Variants in DLC1 observed in about 807,000 individuals in gnomAD.
DLC1 encodes the protein DLC1 Rho GTPase activating protein.
A neutral mutation model predicts 140.3 loss-of-function variants in DLC1; 54 were observed. The ratio of observed to expected loss-of-function variants is 0.38; its 90% CI spans 0.31 to 0.48. The LOEUF is 0.48. Ranked by LOEUF, DLC1 falls within the 20% of genes least tolerant of loss-of-function variation. The pLI is 0.96. For synonymous variants in DLC1, 986 were observed against 728.1 expected (o/e 1.35, Z -5.70); for missense variants, 2,536 against 1,907.0 (o/e 1.33, Z -6.14).
At chr8:13,539,827 T>C (rs1322577737) in intron 1 of DLC1, among the ~76,000 whole-genome samples, 2 of 152,004 alleles carry the variant, frequency 1.3e-5, no homozygotes, top group African/African-American at 4.8e-5. Flanking sequence ...AGTCAATTAT[T>C]TCTAAATATT....
intron 5 of DLC1, among the ~76,000 whole-genome samples, chr8:13,226,687 G>A (rs933231280): frequency 2.6e-5 from 4 of 152,156 alleles, no homozygotes; most frequent in African/African-American, 9.7e-5. Context: ...CTATTGTCAG[G>A]AAGTGTGACC....
chr8:13,158,303 TAAAC>T (rs200492480), intron 5 of DLC1, among the ~76,000 whole-genome samples: 2,585 of 152,314 alleles, frequency 0.017, 75 homozygotes, highest in African/African-American at 0.056. Context: ...TTCTACATAA[TAAAC>T]AAAAGAAACA....
In DLC1 at chr8:13,088,506, G is replaced by A; in HGVS notation, c.4273C>T (p.Arg1425Ter). 6.2e-7 allele frequency: 1 copy of A among 1,614,152 alleles called. No individual in the cohort carries two copies. The highest frequency in any genetic ancestry group is 8.5e-7 in the Non-Finnish European group (1 of 1,180,028). Residue 1425 changes from arginine (R) to a stop codon, truncating the protein, a stop_gained, in exon 16 of 18, where the codon CGA (arginine) becomes TGA (stop). Transcript: ENST00000276297. LOFTEE classifies it high-confidence loss of function. ...GCTCACCTTAAAACAACGTAGTCTC[G>A]AGCAGGATGAGGTGCCATACTGTTT... is the stretch of plus-strand genomic sequence containing the variant. ...VQNSMAPHPA[R>*]DYVVLRTWRT...
chr8:13,284,364 T>C (rs954144596), intron 5 of DLC1, among the ~76,000 whole-genome samples: 1 of 151,956 alleles, frequency 6.6e-6, no homozygotes, highest in Non-Finnish European at 1.5e-5. Flanking sequence ...CCGTCTCTAC[T>C]AAAAATAGAA....
At chr8:13,157,429 T>C (rs1277742632) in intron 5 of DLC1, among the ~76,000 whole-genome samples, 1 of 152,046 alleles carries the variant, frequency 6.6e-6, no homozygotes, top group Non-Finnish European at 1.5e-5. Context: ...AATGCATAGC[T>C]TCAGAGGGGA....
chr8:13,602,439 T>A (rs1805919432), intron 1 of DLC1, among the ~76,000 whole-genome samples: 1 of 151,810 alleles, frequency 6.6e-6, no homozygotes. Flanking sequence ...TTCCAGTAAT[T>A]TAAAGAAGAG....
intron 2 of DLC1, among the ~76,000 whole-genome samples, chr8:13,464,512 G>C (rs1456556232): frequency 6.6e-6 from 1 of 151,766 alleles, no homozygotes; most frequent in African/African-American, 2.4e-5. Flanking sequence ...TAATACATCA[G>C]TTGATACACG....
At chr8:13,090,158 C>T in intron 15 of DLC1, 94 bp downstream of exon 15, 1 of 1,234,338 alleles carries the variant, frequency 8.1e-7, no homozygotes, top group South Asian at 1.4e-5. Flanking sequence ...GCTACAGATC[C>T]CCAGACAGAT....
intron 5 of DLC1, among the ~76,000 whole-genome samples, chr8:13,280,287 C>CAAAAAAAAAAAAAAAAA (rs55791933): frequency 1.2e-4 from 8 of 65,352 alleles, no homozygotes; most frequent in Non-Finnish European, 1.6e-4. Flanking sequence ...GACTCCATCT[C>CAAAAAAAAAAAAAAAAA]AAAAAAAAAA....
chr8:13,577,450 C>T (rs919389313), intron 1 of DLC1, among the ~76,000 whole-genome samples: 6 of 152,072 alleles, frequency 3.9e-5, no homozygotes, highest in Non-Finnish European at 8.8e-5. Context: ...AGGCAGTTCT[C>T]TTTTATGTTC....
intron 1 of DLC1, among the ~76,000 whole-genome samples, chr8:13,537,279 T>C (rs1292315451): frequency 6.6e-6 from 1 of 152,212 alleles, no homozygotes; most frequent in Non-Finnish European, 1.5e-5. Context: ...TGTGTTCAGG[T>C]TCTGCCATTC....
At chr8:13,338,683 G>A (rs1214909510) in intron 4 of DLC1, 4 of 152,122 alleles carry the variant, frequency 2.6e-5, no homozygotes, top group Non-Finnish European at 4.4e-5. Flanking sequence ...TGTACGTGAA[G>A]ATAAGCCAGA....
rs569454703 is a variant in DLC1, at chr8:13,450,191, T to G, written c.1024-48572A>C. On this transcript the variant is annotated intron_variant, in intron 2 of 17. Transcript: ENST00000276297. ...CAAGGAGAGGCCAGGCATGGTGGCC[T>G]GGGTGGTAATCACAGCACTTTGGGG... Among the ~76,000 whole-genome samples, 8 of 151,794 alleles carry G rather than the reference T, an allele frequency of 5.3e-5. No individual in the cohort carries two copies. In the South Asian group the frequency reaches 1.7e-3, roughly 32 times the overall value.
At position 13,306,157 on chromosome 8, in the gene DLC1, A is replaced by G. The variant is rs117030106; in HGVS notation, c.1315-855T>C. Among the ~76,000 whole-genome samples the G allele has an allele frequency of 6.9e-3, 1,046 of 152,284 alleles. 10 individuals carry two copies. The highest frequency in any genetic ancestry group is 0.014 in the Middle Eastern group (4 of 294). ...TCTTCAGGGAAAAGCCACTCTTACT[A>G]TTTATTAAAATGGGCCTTGGTCCAG... On this transcript the variant is annotated intron_variant, in intron 4 of 17. Coordinates refer to ENST00000276297, the MANE Select transcript of DLC1 (RefSeq NM_182643.3).
intron 5 of DLC1, among the ~76,000 whole-genome samples, chr8:13,218,302 G>A (rs1828309338): frequency 6.6e-6 from 1 of 152,082 alleles, no homozygotes; most frequent in African/African-American, 2.4e-5. Context: ...AGAAAGCATA[G>A]ATGAAAATGT....
chr8:13,269,157 G>A (rs944053486), intron 5 of DLC1, among the ~76,000 whole-genome samples: 4 of 152,230 alleles, frequency 2.6e-5, no homozygotes, highest in African/African-American at 9.6e-5. Context: ...ACAGGTGTGA[G>A]CCACCGCTCC....
intron 2 of DLC1, among the ~76,000 whole-genome samples, chr8:13,444,415 T>A (rs113786891): frequency 3.3e-5 from 5 of 152,142 alleles, no homozygotes; most frequent in African/African-American, 1.2e-4. Context: ...AACCTGCACA[T>A]TATGCACATG....
intron 5 of DLC1, among the ~76,000 whole-genome samples, chr8:13,164,296 C>CAA (rs34355120): frequency 0.072 from 10,655 of 147,562 alleles, 989 homozygotes; most frequent in African/African-American, 0.21. Context: ...AGACTTCTCT[C>CAA]AAAAAAAAAA....
At chr8:13,113,603 G>A (rs1286152845) in intron 6 of DLC1, among the ~76,000 whole-genome samples, 1 of 152,230 alleles carries the variant, frequency 6.6e-6, no homozygotes, top group Non-Finnish European at 1.5e-5. Flanking sequence ...TTTCTAAATA[G>A]GAGAACAAAA....
Sources: allele counts gnomAD v4.1 joint callset (sites outside exome capture counted in the v4.1 genomes callset), GRCh38; gene constraint gnomAD v4.1.1; transcripts MANE v1.5; gene names NCBI Gene and HGNC (gene_info 2026-07-23, HGNC 2026-07-21).